AFF3: variants seen among roughly 807,000 people sequenced by gnomAD.
AFF3 encodes AF4/FMR2 family member 3.
Under a neutral mutation model 129.7 loss-of-function variants are expected in AFF3, and 32 were observed. The observed-to-expected ratio is 0.25, with a 90% CI of 0.19 to 0.33. The LOEUF is 0.33. Among genes scored for constraint, AFF3 ranks in the 10% least tolerant of loss-of-function variants. The probability of loss-of-function intolerance (pLI) is 1.00; values close to 1 mark genes in which losing one functional copy is unlikely to be tolerated. For missense variants in AFF3, 1,373 were observed against 1,592.0 expected, an observed-to-expected ratio of 0.86 and a Z score of 2.34; for synonymous variants, 644 against 635.4, an observed-to-expected ratio of 1.01 and a Z score of -0.20.
At chr2:99,836,317 C>G (rs1292561663) in intron 8 of AFF3, among the ~76,000 whole-genome samples, 1 of 152,194 alleles carries the variant, frequency 6.6e-6, no homozygotes, top group East Asian at 1.9e-4. Context: ...AAAGTTATAT[C>G]AGCATCTTAG....
intron 4 of AFF3, among the ~76,000 whole-genome samples, chr2:100,032,901 A>C (rs993497668): frequency 6.6e-6 from 1 of 152,248 alleles, no homozygotes; most frequent in Non-Finnish European, 1.5e-5. Flanking sequence ...ATGAGTAATT[A>C]CCATAAGTAG....
chr2:99,644,496 T>C (rs947682738), intron 13 of AFF3, among the ~76,000 whole-genome samples: 1 of 152,246 alleles, frequency 6.6e-6, no homozygotes, highest in African/African-American at 2.4e-5. Context: ...AAAATATTAA[T>C]TCCTGATCTG....
At position 99,593,567 on chromosome 2, in the gene AFF3, G is replaced by A. The variant is rs370169728; in HGVS notation, c.2094C>T (p.Ala698=). 6.2e-7 allele frequency: 1 copy of A among 1,613,284 alleles called. No homozygotes were observed. Among genetic ancestry groups the A allele is most frequent in the Non-Finnish European group, 8.5e-7 (1 of 1,179,950 alleles). Residue 698 remains alanine (A), a synonymous_variant, in exon 15 of 25, where the codon GCC becomes GCT. Coordinates refer to ENST00000672756, the MANE Select transcript of AFF3 (RefSeq NM_001386135.1). ...TCTGATCATTCCCGGAGGAGGCAGA[G>A]GCAGCCACGGTCTGTGCTTTGGACA... ...YPLSKAQTVA[A]SASSGNDQRL...
intron 18 of AFF3, among the ~76,000 whole-genome samples, chr2:99,577,680 G>A (rs866924378): frequency 1.7e-4 from 26 of 152,196 alleles, no homozygotes; most frequent in African/African-American, 5.6e-4. Context: ...CCTACGAGCC[G>A]AAATAATTTT....
intron 17 of AFF3, among the ~76,000 whole-genome samples, chr2:99,580,403 A>G (rs1677415351): frequency 6.6e-6 from 1 of 152,130 alleles, no homozygotes; most frequent in Admixed American, 6.6e-5. Context: ...ATAAACCCTT[A>G]AATTATTTAT....
chr2:99,884,219 A>G (rs1272191830), intron 7 of AFF3, among the ~76,000 whole-genome samples: 1 of 152,220 alleles, frequency 6.6e-6, no homozygotes, highest in African/African-American at 2.4e-5. Flanking sequence ...ATACGTATTT[A>G]TGGGGTTACG....
At chr2:99,643,730 C>T (rs1050207752) in intron 13 of AFF3, among the ~76,000 whole-genome samples, 1 of 152,190 alleles carries the variant, frequency 6.6e-6, no homozygotes, top group Admixed American at 6.5e-5. Context: ...AGGTGGGTAC[C>T]CGCTGCCCTC....
At chr2:99,733,396 AAAC>A (rs3073372) in intron 10 of AFF3, among the ~76,000 whole-genome samples, 156 of 144,428 alleles carry the variant, frequency 1.1e-3, no homozygotes, top group African/African-American at 3.7e-3. Flanking sequence ...AAAAAAACCA[AAAC>A]AACAACAACA....
intron 8 of AFF3, among the ~76,000 whole-genome samples, chr2:99,812,664 A>G (rs1268940086): frequency 6.6e-6 from 1 of 152,244 alleles, no homozygotes; most frequent in Non-Finnish European, 1.5e-5. Flanking sequence ...CATAAATTGC[A>G]GTTCCTATTA....
intron 10 of AFF3, among the ~76,000 whole-genome samples, chr2:99,736,454 A>G (rs1341260820): frequency 1.3e-5 from 2 of 151,998 alleles, no homozygotes; most frequent in Admixed American, 6.6e-5. Context: ...GCTGGCATAT[A>G]TTTTCCTAAC....
intron 7 of AFF3, among the ~76,000 whole-genome samples, chr2:99,932,233 T>C (rs1222943308): frequency 1.3e-5 from 2 of 152,290 alleles, no homozygotes; most frequent in Non-Finnish European, 1.5e-5. Context: ...TCATCAGCTA[T>C]TGTTAGTGTT....
chr2:100,110,780 C>T (rs1691486420), intron 2 of AFF3, among the ~76,000 whole-genome samples: 1 of 152,170 alleles, frequency 6.6e-6, no homozygotes, highest in East Asian at 1.9e-4. Flanking sequence ...CACCCAACAT[C>T]CATCTGCACT....
chr2:99,734,585 T>C (rs146555637), intron 10 of AFF3, among the ~76,000 whole-genome samples: 68 of 152,208 alleles, frequency 4.5e-4, no homozygotes, highest in Non-Finnish European at 2.5e-4. Flanking sequence ...AAATCATGTA[T>C]AGTGAATTTT....
intron 7 of AFF3, among the ~76,000 whole-genome samples, chr2:99,887,682 A>ATT (rs1457180596): frequency 6.6e-6 from 1 of 152,228 alleles, no homozygotes; most frequent in Non-Finnish European, 1.5e-5. Context: ...TTAAATAAAT[A>ATT]TTTATTATTG....
At chr2:99,785,711 A>G (rs1465648719) in intron 8 of AFF3, among the ~76,000 whole-genome samples, 1 of 152,178 alleles carries the variant, frequency 6.6e-6, no homozygotes, top group African/African-American at 2.4e-5. Context: ...CACTCAAGAA[A>G]TTCTGAGAGT....
chr2:99,976,938 T>C (rs532690212), intron 7 of AFF3, among the ~76,000 whole-genome samples: 139 of 152,144 alleles, frequency 9.1e-4, no homozygotes, highest in Non-Finnish European at 1.7e-3. Context: ...CAATTTAGTA[T>C]TGGTTTTCAA....
intron 8 of AFF3, among the ~76,000 whole-genome samples, chr2:99,829,694 A>T (rs1688371858): frequency 6.6e-6 from 1 of 152,228 alleles, no homozygotes; most frequent in African/African-American, 2.4e-5. Context: ...AGTATAAATT[A>T]TTTCAACCAT....
chr2:100,067,411 C>T (rs1362250069), intron 4 of AFF3, among the ~76,000 whole-genome samples: 1 of 152,054 alleles, frequency 6.6e-6, no homozygotes, highest in African/African-American at 2.4e-5. Flanking sequence ...CACATGTGCC[C>T]CTCTCAAAGT....
chr2:99,795,130 C>T (rs1045839532), intron 8 of AFF3, among the ~76,000 whole-genome samples: 5 of 152,050 alleles, frequency 3.3e-5, no homozygotes, highest in Admixed American at 6.6e-5. Context: ...AACCTAAGTG[C>T]CCATCAATGG....
Sources: allele counts gnomAD v4.1 joint callset (sites outside exome capture counted in the v4.1 genomes callset), GRCh38; gene constraint gnomAD v4.1.1; transcripts MANE v1.5; gene names NCBI Gene and HGNC (gene_info 2026-07-23, HGNC 2026-07-21).